SYCP2L: variants seen among roughly 807,000 people sequenced by gnomAD.
The protein encoded by SYCP2L is synaptonemal complex protein 2 like, also known as synaptonemal complex protein 2-like.
In SYCP2L, 98 loss-of-function variants were observed where a neutral mutation model predicts 125.8. That is an observed-to-expected ratio of 0.78 (90% confidence interval 0.66 to 0.92). The LOEUF is 0.92. Ranked by LOEUF, SYCP2L falls within the 40% of genes least tolerant of loss-of-function variation. The probability of loss-of-function intolerance (pLI) is 0.00; values close to 1 mark genes in which losing one functional copy is unlikely to be tolerated. For missense variants in SYCP2L, 842 were observed against 936.4 expected (o/e 0.90, Z 1.32); for synonymous variants, 317 against 325.4 (o/e 0.97, Z 0.28).
intron 18 of SYCP2L, 72 bp from the exon 19 acceptor site, chr6:10,930,298 G>GA: frequency 6.7e-7 from 1 of 1,483,862 alleles, no homozygotes; most frequent in Non-Finnish European, 9.1e-7. Flanking sequence ...TAGCTTTGTA[G>GA]AATATGTTTA....
intron 14 of SYCP2L, among the ~76,000 whole-genome samples, chr6:10,924,113 C>CAG (rs373482523): frequency 2.6e-5 from 4 of 151,802 alleles, no homozygotes; most frequent in East Asian, 1.9e-4. Flanking sequence ...AGTAGAATTT[C>CAG]AGAGAGAGAG....
intron 14 of SYCP2L, among the ~76,000 whole-genome samples, chr6:10,923,250 G>A (rs1000426383): frequency 1.3e-5 from 2 of 151,844 alleles, no homozygotes; most frequent in African/African-American, 2.4e-5. Context: ...TGTACTTAAT[G>A]TGGTGTATTC....
intron 14 of SYCP2L, among the ~76,000 whole-genome samples, chr6:10,916,388 A>C (rs1377442993): frequency 1.3e-5 from 2 of 151,920 alleles, no homozygotes; most frequent in Non-Finnish European, 1.5e-5. Context: ...TTATTTCTCT[A>C]GTTCCTTGAG....
intron 12 of SYCP2L, among the ~76,000 whole-genome samples, chr6:10,911,936 C>G (rs1176834799): frequency 1.1e-5 from 1 of 92,332 alleles, no homozygotes; most frequent in African/African-American, 4.0e-5. Flanking sequence ...GAGTCTCACT[C>G]TGTTGCCCAG....
chr6:10,920,866 TGTGCAGGATGTACAGGTTTGTTACATAG>T (rs1561687858), intron 14 of SYCP2L, among the ~76,000 whole-genome samples: 2 of 151,908 alleles, frequency 1.3e-5, no homozygotes, highest in Admixed American at 6.6e-5. Context: ...CATGGGTACA[TGTGCAGGATGTACAGGTTTGTTACATAG>T]GTGCAGGATG....
At chr6:10,890,889 C>A (rs1561677687) in intron 1 of SYCP2L, among the ~76,000 whole-genome samples, 1 of 152,118 alleles carries the variant, frequency 6.6e-6, no homozygotes, top group Non-Finnish European at 1.5e-5. Context: ...TTTCATTCTT[C>A]CACATATAAA....
At chr6:10,934,252 A>C (rs924275666) in intron 20 of SYCP2L, among the ~76,000 whole-genome samples, 5 of 152,254 alleles carry the variant, frequency 3.3e-5, no homozygotes, top group African/African-American at 1.2e-4. Context: ...AATTAATGAA[A>C]ATAGTGATGT....
Position 10,887,123 on chromosome 6 carries a change from C to T in SYCP2L, c.-4C>T, listed in dbSNP as rs1176700529. On this transcript the variant is annotated 5_prime_UTR_variant, in exon 1 of 30. Coordinates refer to ENST00000283141, the MANE Select transcript of SYCP2L (RefSeq NM_001040274.3). Reference sequence around the variant, plus strand: ...CGTCGCTTCAGGAACGAAGAAGCCTCGTTATGCAAGCGGTGAGTGACCCCC... The same window carrying T: ...CGTCGCTTCAGGAACGAAGAAGCCTTGTTATGCAAGCGGTGAGTGACCCCC... 3.7e-6 allele frequency: 6 copies of T among 1,614,130 alleles called. No homozygotes were observed. The highest frequency in any genetic ancestry group is 1.7e-4 in the Middle Eastern group (1 of 6,060).
chr6:10,959,007 C>T (rs1029737432), intron 26 of SYCP2L, 132 bp downstream of exon 26: 3 of 735,886 alleles, frequency 4.1e-6, no homozygotes, highest in African/African-American at 1.8e-5. Context: ...CATCATTTAA[C>T]CCTTCTGGGT....
intron 10 of SYCP2L, among the ~76,000 whole-genome samples, chr6:10,908,687 A>G (rs1269625445): frequency 6.6e-6 from 1 of 152,216 alleles, no homozygotes; most frequent in African/African-American, 2.4e-5. Context: ...CTCTTATGAA[A>G]TATGGACCTT....
At chr6:10,936,910 A>G (rs922985223) in intron 21 of SYCP2L, among the ~76,000 whole-genome samples, 4 of 152,240 alleles carry the variant, frequency 2.6e-5, no homozygotes, top group African/African-American at 9.6e-5. Flanking sequence ...GTAAATATAT[A>G]TATGCACCCA....
intron 14 of SYCP2L, among the ~76,000 whole-genome samples, chr6:10,914,492 T>C (rs1780657131): frequency 1.3e-5 from 2 of 152,194 alleles, no homozygotes; most frequent in Non-Finnish European, 2.9e-5. Context: ...CGTGGGCTCT[T>C]TTTGGTTCCA....
In SYCP2L at chr6:10,954,797, A is replaced by G. The variant is rs770441911; in HGVS notation, c.1955-319A>G. Among the ~76,000 whole-genome samples the G allele has an allele frequency of 2.0e-5, 3 of 152,174 alleles. No homozygotes were observed. The highest frequency in any genetic ancestry group is 4.4e-5 in the Non-Finnish European group (3 of 68,038). On this transcript the variant is annotated intron_variant, in intron 23 of 29. Coordinates refer to ENST00000283141, the MANE Select transcript of SYCP2L (RefSeq NM_001040274.3). The surrounding 1 kb of genome is among the most constrained non-coding windows in gnomAD (Gnocchi z 4.8). The stretch of plus-strand genomic sequence containing the variant: ...CTTGCTGTCTTGCTATTTAGCTCAG[A>G]GCCCTGGAAGCGTTGCTTTTGATGT...
At chr6:10,908,236 T>TA (rs906960894) in intron 10 of SYCP2L, among the ~76,000 whole-genome samples, 13 of 151,024 alleles carry the variant, frequency 8.6e-5, no homozygotes, top group African/African-American at 2.2e-4. Context: ...TGGATCCAGT[T>TA]AAAAAAAAAG....
chr6:10,947,060 A>G (rs1466652617), intron 23 of SYCP2L, among the ~76,000 whole-genome samples: 1 of 151,914 alleles, frequency 6.6e-6, no homozygotes, highest in East Asian at 1.9e-4. Flanking sequence ...GTTTTTCACA[A>G]CTACCTGTTC....
At chr6:10,963,119 T>A (rs1202766393) in intron 28 of SYCP2L, among the ~76,000 whole-genome samples, 1 of 152,234 alleles carries the variant, frequency 6.6e-6, no homozygotes, top group Non-Finnish European at 1.5e-5. Flanking sequence ...AAGATGTTAA[T>A]TACTATTTGC....
chr6:10,952,068 A>T (rs1781420381), intron 23 of SYCP2L, among the ~76,000 whole-genome samples: 2 of 152,236 alleles, frequency 1.3e-5, no homozygotes, highest in South Asian at 4.1e-4. Flanking sequence ...ACATTCTTTT[A>T]AGATGACTTG....
At chr6:10,971,498 A>C (rs1781773410) in intron 29 of SYCP2L, among the ~76,000 whole-genome samples, 1 of 151,282 alleles carries the variant, frequency 6.6e-6, no homozygotes, top group Non-Finnish European at 1.5e-5. Context: ...GATAGGAGTT[A>C]CTTTGTGAAA....
At chr6:10,955,322 A>T (rs1300292535) in intron 24 of SYCP2L, 105 bp downstream of exon 24, 2 of 661,930 alleles carry the variant, frequency 3.0e-6, no homozygotes, top group Non-Finnish European at 5.1e-6. Context: ...TTAAGATCAT[A>T]GTAGCTACAA....
Sources: allele counts gnomAD v4.1 joint callset (sites outside exome capture counted in the v4.1 genomes callset), GRCh38; gene constraint gnomAD v4.1.1; non-coding constraint Gnocchi (gnomAD v3.1); transcripts MANE v1.5; gene names NCBI Gene and HGNC (gene_info 2026-07-23, HGNC 2026-07-21).